AMD1: variants seen among roughly 807,000 people sequenced by gnomAD.
AMD1 encodes the protein S-adenosylmethionine decarboxylase proenzyme.
Under a neutral mutation model 40.2 loss-of-function variants are expected in AMD1, and 11 were observed. The ratio of observed to expected loss-of-function variants is 0.27; its 90% CI spans 0.17 to 0.45. The LOEUF (loss-of-function observed/expected upper bound fraction) is 0.45, where lower values mean the gene tolerates loss of function less well. AMD1 is among the 20% of genes least tolerant of loss of function. The probability of loss-of-function intolerance (pLI) is 1.00; values close to 1 mark genes in which losing one functional copy is unlikely to be tolerated. For missense variants in AMD1, 257 were observed against 410.2 expected (o/e 0.63, Z 3.23); for synonymous variants, 121 against 130.8 (o/e 0.93, Z 0.51).
chr6:110,835,814 G>A, the AMD1 span, among the ~76,000 whole-genome samples: 1 of 151,804 alleles, frequency 6.6e-6, no homozygotes, highest in East Asian at 1.9e-4. Context: ...GCAGTGAGCC[G>A]AGATCATCCC....
chr6:110,864,004 G>A, the AMD1 span: 50 of 414,340 alleles, frequency 1.2e-4, no homozygotes, highest in African/African-American at 1.1e-3. Flanking sequence ...TTGTTGCCCA[G>A]GCTGGAGTGC....
At chr6:110,881,321 C>T (rs764020893) in intron 1 of AMD1, among the ~76,000 whole-genome samples, 5 of 152,114 alleles carry the variant, frequency 3.3e-5, no homozygotes, top group Non-Finnish European at 7.3e-5. Context: ...TGCATGCTGG[C>T]AACACCACCA....
chr6:110,826,540 G>A, the AMD1 span, among the ~76,000 whole-genome samples: 1 of 152,026 alleles, frequency 6.6e-6, no homozygotes, highest in Non-Finnish European at 1.5e-5. Context: ...GCCCACAGGG[G>A]AGAATCCTTC....
intron 1 of AMD1, among the ~76,000 whole-genome samples, chr6:110,884,329 A>G (rs1785569887): frequency 6.6e-6 from 1 of 152,236 alleles, no homozygotes; most frequent in African/African-American, 2.4e-5. Context: ...TAGTCAACAT[A>G]CTCAAAACCA....
chr6:110,869,393 A>G, the AMD1 span, among the ~76,000 whole-genome samples: 2 of 152,088 alleles, frequency 1.3e-5, no homozygotes, highest in Non-Finnish European at 2.9e-5. Context: ...CGGCCTCCCA[A>G]AGTGCTGGGA....
At chr6:110,853,166 C>T in the AMD1 span, among the ~76,000 whole-genome samples, 5 of 151,376 alleles carry the variant, frequency 3.3e-5, no homozygotes, top group Non-Finnish European at 4.4e-5. Context: ...TCTGTCACTC[C>T]GGCTGGAGCG....
chr6:110,850,227 G>A, the AMD1 span, among the ~76,000 whole-genome samples: 7 of 152,152 alleles, frequency 4.6e-5, no homozygotes, highest in African/African-American at 1.7e-4. Flanking sequence ...ATTTAATTTT[G>A]CAGATTATAG....
chr6:110,864,655 A>G, the AMD1 span, among the ~76,000 whole-genome samples: 1,719 of 152,328 alleles, frequency 0.011, 29 homozygotes, highest in African/African-American at 0.04. Context: ...TCGGACCCCA[A>G]CAATAGTGAT....
the AMD1 span, chr6:110,858,727 G>T: frequency 1.3e-6 from 1 of 784,612 alleles, no homozygotes; most frequent in Non-Finnish European, 2.3e-6. Flanking sequence ...AGGCTGGCCA[G>T]TGCACCATCG....
chr6:110,839,091 T>C, the AMD1 span, among the ~76,000 whole-genome samples: 1 of 152,214 alleles, frequency 6.6e-6, no homozygotes, highest in Non-Finnish European at 1.5e-5. Context: ...TAATTTAAAC[T>C]TTTTTTGTAT....
At chr6:110,835,521 T>C in the AMD1 span, among the ~76,000 whole-genome samples, 3 of 152,146 alleles carry the variant, frequency 2.0e-5, no homozygotes, top group Non-Finnish European at 4.4e-5. Context: ...TTGGAAAATA[T>C]TGTGTTTCAC....
chr6:110,861,798 C>T, the AMD1 span, among the ~76,000 whole-genome samples: 8 of 149,608 alleles, frequency 5.3e-5, no homozygotes, highest in South Asian at 6.4e-4. Context: ...GCCAAGATTG[C>T]GCCACTGCAC....
chr6:110,892,001 G>T, intron 4 of AMD1, 160 bp from the exon 5 acceptor site: 1 of 830,004 alleles, frequency 1.2e-6, no homozygotes, highest in Admixed American at 2.2e-5. Context: ...TGCCAAAAGG[G>T]GTGGGATTAT....
chr6:110,875,419 G>C (rs1052220502), intron 1 of AMD1, among the ~76,000 whole-genome samples: 2 of 152,136 alleles, frequency 1.3e-5, no homozygotes, highest in African/African-American at 2.4e-5. Flanking sequence ...TTCTCCCGCC[G>C]TGGTTGCCGC....
At chr6:110,884,637 G>C in intron 1 of AMD1, among the ~76,000 whole-genome samples, 1 of 151,998 alleles carries the variant, frequency 6.6e-6, no homozygotes, top group South Asian at 2.1e-4. Flanking sequence ...TTGCTATGTT[G>C]CCCAGGCTGG....
chr6:110,851,803 A>C, the AMD1 span, among the ~76,000 whole-genome samples: 1 of 152,112 alleles, frequency 6.6e-6, no homozygotes, highest in Non-Finnish European at 1.5e-5. Context: ...ACATCACCCC[A>C]GCTTGTATAA....
At chr6:110,892,648 C>T in intron 6 of AMD1, 87 bp from the exon 7 acceptor site, 2 of 1,503,200 alleles carry the variant, frequency 1.3e-6, no homozygotes, top group Non-Finnish European at 1.8e-6. Context: ...TGGTCCTCTC[C>T]CTTCTCCCAC....
chr6:110,883,787 CG>C (rs1440625362), intron 1 of AMD1, among the ~76,000 whole-genome samples: 2 of 151,626 alleles, frequency 1.3e-5, no homozygotes, highest in Non-Finnish European at 2.9e-5. Context: ...TTAGTAGAGA[CG>C]GGGTTTCACC....
the AMD1 span, among the ~76,000 whole-genome samples, chr6:110,825,034 C>T: frequency 6.6e-6 from 1 of 152,096 alleles, no homozygotes; most frequent in Non-Finnish European, 1.5e-5. Flanking sequence ...ATAGTAGTCC[C>T]ACCTTGTCCT....
Sources: gnomAD v4.1 joint callset for allele counts (sites outside exome capture counted in the v4.1 genomes callset) on GRCh38, gnomAD v4.1.1 for gene constraint, MANE v1.5 for transcripts, NCBI Gene and HGNC (gene_info 2026-07-23, HGNC 2026-07-21) for gene names.